Variants in CFAP91 observed in about 807,000 individuals in gnomAD.
CFAP91 encodes cilia- and flagella-associated protein 91.
CFAP91 carries 85 observed loss-of-function variants against 95.9 expected under a neutral mutation model. The observed-to-expected ratio is 0.89, with a 90% confidence interval of 0.74 to 1.06. The LOEUF is 1.06. Ranked by LOEUF, CFAP91 falls within the 50% of genes least tolerant of loss-of-function variation. The pLI is 0.00. For synonymous variants in CFAP91, 335 were observed against 327.5 expected, an observed-to-expected ratio of 1.02 and a Z score of -0.25; for missense variants, 962 against 943.4, an observed-to-expected ratio of 1.02 and a Z score of -0.26.
intron 6 of CFAP91, among the ~76,000 whole-genome samples, chr3:119,725,720 A>G (rs1042276402): frequency 5.3e-5 from 8 of 151,948 alleles, no homozygotes; most frequent in Admixed American, 2.0e-4. Flanking sequence ...TCACATCTCT[A>G]TACTCCAGCC....
chr3:119,707,732 G>GATATATAT (rs770594988), intron 3 of CFAP91, among the ~76,000 whole-genome samples, 171 bp downstream of exon 3: 1,937 of 142,430 alleles, frequency 0.014, 28 homozygotes, highest in Middle Eastern at 0.043. Context: ...GTATATATGA[G>GATATATAT]ATATATATAT....
Position 119,744,098 on chromosome 3 carries a change from C to T in CFAP91, c.1804C>T (p.Leu602=), listed in dbSNP as rs148425852. The stretch of plus-strand genomic sequence containing the variant: ...GAGGAGGATCCATGCCTTTGTCATG[C>T]TGGCTGAGCGCCAGCGGCGGGTACG... ...EERRIHAFVM[L]AERQRRVREA... The change falls in exon 14 of 18, where the codon CTG becomes TTG. Residue 602 remains leucine (L), a synonymous_variant. Coordinates refer to ENST00000273390, the MANE Select transcript of CFAP91 (RefSeq NM_033364.4). 2.5e-6 allele frequency: 4 copies of T among 1,614,090 alleles called. No homozygotes were observed. In the African/African-American group the frequency reaches 5.3e-5, roughly 22 times the overall value.
chr3:119,724,627 G>A (rs1475531963), intron 6 of CFAP91, among the ~76,000 whole-genome samples: 2 of 152,046 alleles, frequency 1.3e-5, no homozygotes, highest in African/African-American at 4.8e-5. Flanking sequence ...TGAGCTGGTG[G>A]TATTACTCCT....
chr3:119,747,827 T>C lies in CFAP91; in HGVS notation c.2068T>C (p.Ser690Pro), dbSNP rs771783924. The stretch of plus-strand genomic sequence containing the variant: ...ATTTTTTAGCCGAACCTATCTTCAG[T>C]CAGAGGAGATTGTTGCTGAGTTGGT... ...EMESRRTYLQ[S>P]EEIVAELVYS... The change falls in exon 16 of 18, where the codon TCA (serine) becomes CCA (proline). Residue 690 changes from serine (S) to proline (P), a missense_variant. Physicochemically the swap from Ser to Pro is moderately conservative, Grantham distance 74 (BLOSUM62 -1). Coordinates refer to ENST00000273390, the MANE Select transcript of CFAP91 (RefSeq NM_033364.4). 1.9e-6 allele frequency: 3 copies of C among 1,613,170 alleles called. No individual in the cohort carries two copies. Among genetic ancestry groups the C allele is most frequent in the Non-Finnish European group, 2.5e-6 (3 of 1,179,608 alleles).
intron 3 of CFAP91, among the ~76,000 whole-genome samples, chr3:119,708,138 G>A (rs904652495): frequency 1.2e-4 from 18 of 151,812 alleles, no homozygotes; most frequent in Admixed American, 8.5e-4. Flanking sequence ...AAAGTTAGCC[G>A]GGTGTGGTGG....
At chr3:119,706,494 T>C in intron 1 of CFAP91, 1 of 237,844 alleles carries the variant, frequency 4.2e-6, no homozygotes. Flanking sequence ...TCAAAAGGAG[T>C]TTTGTTCATA....
chr3:119,724,888 G>A (rs377074781), intron 6 of CFAP91, among the ~76,000 whole-genome samples: 1 of 152,050 alleles, frequency 6.6e-6, no homozygotes, highest in African/African-American at 2.4e-5. Context: ...GGGACTACAG[G>A]CGCCCACCAC....
chr3:119,758,039 T>C (rs994460772), intron 17 of CFAP91, among the ~76,000 whole-genome samples: 2 of 152,194 alleles, frequency 1.3e-5, no homozygotes, highest in Admixed American at 6.5e-5. Flanking sequence ...TTTTTATATA[T>C]GTGTGTAGTT....
At position 119,744,123 on chromosome 3, in the gene CFAP91, G is replaced by A. The variant is rs144518308; in HGVS notation, c.1829G>A (p.Arg610Gln). ...VMLAERQRRV[R>Q]EAEESGRRQV... ...CTGGCTGAGCGCCAGCGGCGGGTAC[G>A]AGAGGCTGAAGAGAGTGGTCGGCGC... The change falls in exon 14 of 18, where the codon CGA becomes CAA. Residue 610 changes from arginine (R) to glutamine (Q), a missense_variant. Coordinates refer to ENST00000273390, the MANE Select transcript of CFAP91 (RefSeq NM_033364.4). 91 of 1,613,938 alleles carry A rather than the reference G, an allele frequency of 5.6e-5. No individual in the cohort carries two copies. Among genetic ancestry groups the A allele is most frequent in the East Asian group, 6.7e-5 (3 of 44,892 alleles).
At chr3:119,718,476 A>G (rs1279561819) in intron 6 of CFAP91, among the ~76,000 whole-genome samples, 1 of 152,178 alleles carries the variant, frequency 6.6e-6, no homozygotes, top group African/African-American at 2.4e-5. Flanking sequence ...TATAGGGAAA[A>G]TGGTAGAGAA....
chr3:119,742,569 A>T (rs1389302091), intron 13 of CFAP91, among the ~76,000 whole-genome samples: 1 of 152,226 alleles, frequency 6.6e-6, no homozygotes, highest in Non-Finnish European at 1.5e-5. Context: ...CCTGACCCTG[A>T]GTGAGGGAGC....
chr3:119,757,069 A>C (rs1432976801), intron 17 of CFAP91, among the ~76,000 whole-genome samples: 1 of 152,202 alleles, frequency 6.6e-6, no homozygotes, highest in Non-Finnish European at 1.5e-5. Context: ...ATACCATAAA[A>C]ACACCACCCA....
At chr3:119,741,933 A>G (rs769883300) in intron 13 of CFAP91, among the ~76,000 whole-genome samples, 10 of 152,176 alleles carry the variant, frequency 6.6e-5, no homozygotes, top group Non-Finnish European at 1.2e-4. Context: ...CAACAGAGGA[A>G]CCAGAGAAGG....
chr3:119,720,567 G>A (rs2053665577), intron 6 of CFAP91, among the ~76,000 whole-genome samples: 1 of 152,086 alleles, frequency 6.6e-6, no homozygotes, highest in Non-Finnish European at 1.5e-5. Flanking sequence ...GGCCTAAACA[G>A]TTTTACAGGT....
chr3:119,759,804 A>G (rs1455250537), intron 17 of CFAP91, among the ~76,000 whole-genome samples: 1 of 151,972 alleles, frequency 6.6e-6, no homozygotes, highest in Non-Finnish European at 1.5e-5. Flanking sequence ...TTGCCAGTTT[A>G]AAATAGCCTA....
chr3:119,707,556 C>T lies in CFAP91; in HGVS notation c.354C>T (p.Leu118=), dbSNP rs753374692. 6.4e-7 allele frequency: 1 copy of T among 1,568,150 alleles called. No homozygotes were observed. Among genetic ancestry groups the T allele is most frequent in the Non-Finnish European group, 8.7e-7 (1 of 1,149,140 alleles). Residue 118 remains leucine, a synonymous_variant, in exon 3 of 18, where the codon CTC becomes CTT. Coordinates refer to ENST00000273390, the MANE Select transcript of CFAP91 (RefSeq NM_033364.4). ...AACACAGAGAAGCCCTCCGGCAGCT[C>T]ACCACGTAAGTGTCGGGTGGCTCCA... ...KEKHREALRQ[L]TTTDASFQMP... is the part of the protein sequence containing the mutation.
At chr3:119,711,628 A>T (rs896178270) in intron 5 of CFAP91, among the ~76,000 whole-genome samples, 7 of 152,228 alleles carry the variant, frequency 4.6e-5, no homozygotes, top group African/African-American at 1.7e-4. Context: ...TAAAGAATGA[A>T]TCAGTATTCC....
At chr3:119,737,987 A>G (rs1215725055) in intron 11 of CFAP91, among the ~76,000 whole-genome samples, 2 of 152,262 alleles carry the variant, frequency 1.3e-5, no homozygotes, top group Non-Finnish European at 2.9e-5. Flanking sequence ...GCTGACTCAG[A>G]CTAAACAAAT....
intron 6 of CFAP91, among the ~76,000 whole-genome samples, chr3:119,722,750 T>C (rs2053711686): frequency 4.6e-5 from 7 of 152,112 alleles, no homozygotes. Context: ...TGTCTCGGCC[T>C]CCAAAAGTGC....
Sources: allele counts gnomAD v4.1 joint callset (sites outside exome capture counted in the v4.1 genomes callset), GRCh38; gene constraint gnomAD v4.1.1; transcripts MANE v1.5; gene names NCBI Gene and HGNC (gene_info 2026-07-23, HGNC 2026-07-21).